Variants in KLHL35 observed in about 807,000 individuals in gnomAD.
KLHL35 encodes the protein kelch-like protein 35.
KLHL35 carries 50 observed loss-of-function variants against 44.0 expected under a neutral mutation model. The ratio of observed to expected loss-of-function variants is 1.14; its 90% CI spans 0.91 to 1.44. The LOEUF (loss-of-function observed/expected upper bound fraction) is 1.44, where lower values mean the gene tolerates loss of function less well. Ranked by LOEUF, KLHL35 falls within the 40% of genes most tolerant of loss-of-function variation. The pLI is 0.00. For missense variants in KLHL35, 1,049 were observed against 887.8 expected (o/e 1.18, Z -2.31); for synonymous variants, 470 against 410.4 (o/e 1.15, Z -1.76).
intron 5 of KLHL35, chr11:75,424,883 C>T (rs751133233): frequency 2.6e-5 from 4 of 153,084 alleles, no homozygotes; most frequent in African/African-American, 9.6e-5. Context: ...AGTTGATAAT[C>T]ACGTGGAAAA....
At chr11:75,429,444 C>T (rs1428060154) in intron 2 of KLHL35, among the ~76,000 whole-genome samples, 1 of 152,178 alleles carries the variant, frequency 6.6e-6, no homozygotes, top group East Asian at 1.9e-4. Flanking sequence ...TCCCAGAGGG[C>T]AAAGAGTGTT....
In KLHL35 at chr11:75,430,496, A is replaced by G; in HGVS notation, c.134T>C (p.Leu45Pro). The change falls in exon 2 of 7, where the codon CTG becomes CCG. Residue 45 changes from leucine to proline, a missense_variant. Transcript: ENST00000539798. ...RRSGTLTDVV[L>P]RAGGRDFPCH... ...CGGAAAGTCGCGCCCGCCGGCGCGC[A>G]GCACCACGTCGGTGAGGGTGCCGCT... 7.0e-7 allele frequency: 1 copy of G among 1,421,524 alleles called. No homozygotes were observed. Among genetic ancestry groups the G allele is most frequent in the Admixed American group, 2.9e-5 (1 of 34,292 alleles). 88.1% of individuals were successfully genotyped at this position (1,421,524 alleles called of 1,614,324 possible).
In KLHL35 at chr11:75,423,858, T is replaced by C; in HGVS notation, c.1397A>G (p.Glu466Gly). The C allele has an allele frequency of 6.2e-7, 1 of 1,613,518 alleles. No homozygotes were observed. Among genetic ancestry groups the C allele is most frequent in the Non-Finnish European group, 8.5e-7 (1 of 1,179,672 alleles). The change falls in exon 6 of 7, where the codon GAG becomes GGG. Residue 466 changes from glutamate (E) to glycine (G), a missense_variant. Physicochemically the swap from Glu to Gly is moderately conservative, Grantham distance 98 (BLOSUM62 -2). Coordinates refer to ENST00000539798, the MANE Select transcript of KLHL35 (RefSeq NM_001039548.3). ...TGGTGACCGCAGGCTCCACCGGTCC[T>C]CCTTGGGGTCAAAGCACTGCACCTG... ...TDKVQCFDPK[E>G]DRWSLRSPAP...
Position 75,430,255 on chromosome 11 carries a change from GGCCGCCGCCTCGTCCTCCGCGCGCA to G in KLHL35, c.350_374del (p.Leu117ProfsTer32), listed in dbSNP as rs760150039. The G allele has an allele frequency of 2.5e-4, 303 of 1,208,762 alleles. No individual in the cohort carries two copies. The African/African-American group carries it at 4.6e-3, about 18-fold the overall frequency. The allele number at this position is 1,208,762 out of a possible 1,614,324, so 74.9% of individuals were successfully genotyped here. A position where few individuals can be genotyped will look rare whatever the true frequency, so the allele number is the denominator to read the frequency against. ...CCAGCCGCTCCGCCAGCGCCAGCAC[GGCCGCCGCCTCGTCCTCCGCGCGCA>G]GCCGCACGCCCGCTCCGTACACGTA... On this transcript the variant is annotated frameshift_variant, in exon 2 of 7. Transcript: ENST00000539798. LOFTEE classifies it high-confidence loss of function.
At chr11:75,425,672 A>G (rs1948485532) in intron 4 of KLHL35, 91 bp from the exon 5 acceptor site, 1 of 1,174,188 alleles carries the variant, frequency 8.5e-7, no homozygotes, top group East Asian at 3.2e-5. Flanking sequence ...TTTGAGCTGG[A>G]AACTATCCCT....
At chr11:75,429,061 C>T (rs1318358232) in intron 2 of KLHL35, among the ~76,000 whole-genome samples, 1 of 152,212 alleles carries the variant, frequency 6.6e-6, no homozygotes, top group African/African-American at 2.4e-5. Context: ...TCATCTTCAA[C>T]ACCCTTTTCT....
Position 75,430,641 on chromosome 11 carries a change from G to A in KLHL35, c.-1-11C>T. ...TGGCCTTGCCGCATCCTGCCGGGGA[G>A]AGAACACAAACAGCGTCGGGGAAGC... On this transcript the variant is annotated splice_polypyrimidine_tract_variant and intron_variant, in intron 1 of 6. Coordinates refer to ENST00000539798, the MANE Select transcript of KLHL35 (RefSeq NM_001039548.3). 1 of 1,358,018 alleles carries A rather than the reference G, an allele frequency of 7.4e-7. No homozygotes were observed. Among genetic ancestry groups the A allele is most frequent in the Non-Finnish European group, 9.5e-7 (1 of 1,057,108 alleles). The allele number at this position is 1,358,018 out of a possible 1,614,324, so 84.1% of individuals were successfully genotyped here. A position where few individuals can be genotyped will look rare whatever the true frequency, so the allele number is the denominator to read the frequency against.
In KLHL35 at chr11:75,429,311, G is replaced by A. The variant is rs2135083551; in HGVS notation, c.881+438C>T. 1.3e-5 allele frequency among the ~76,000 whole-genome samples: 2 copies of A among 152,272 alleles called. 1 individual carries two copies. The highest frequency in any genetic ancestry group is 4.8e-5 in the African/African-American group (2 of 41,562). On this transcript the variant is annotated intron_variant, in intron 2 of 6. Coordinates refer to ENST00000539798, the MANE Select transcript of KLHL35 (RefSeq NM_001039548.3). The stretch of plus-strand genomic sequence containing the variant: ...TAGTGTTAGAGAGAGTGTCGTCTCT[G>A]GGGGCATGATTAAGGGCTACTCTGC...
rs1948523113 is a variant in KLHL35, at chr11:75,430,150, G to A, written c.480C>T (p.Arg160=). The A allele has an allele frequency of 1.6e-6, 2 of 1,246,194 alleles. No individual in the cohort carries two copies. The highest frequency in any genetic ancestry group is 1.6e-5 in the African/African-American group (1 of 62,976). The allele number at this position is 1,246,194 out of a possible 1,614,324, so 77.2% of individuals were successfully genotyped here. A position where few individuals can be genotyped will look rare whatever the true frequency, so the allele number is the denominator to read the frequency against. ...GGGCCAGCGAGAAGGCGGCGGCCAC[G>A]CGGCGCAGCGCTAGGCTGTTGGCGG... ...LRAANSLALR[R]VAAAFSLAPL... The change falls in exon 2 of 7, where the codon CGC becomes CGT. Residue 160 remains arginine, a synonymous_variant. Coordinates refer to ENST00000539798, the MANE Select transcript of KLHL35 (RefSeq NM_001039548.3).
In KLHL35 at chr11:75,423,690, A is replaced by T. The variant is rs750865887; in HGVS notation, c.1563+2T>A. 9 of 1,612,868 alleles carry T rather than the reference A, an allele frequency of 5.6e-6. No homozygotes were observed. Among genetic ancestry groups the T allele is most frequent in the African/African-American group, 2.7e-5 (2 of 74,872 alleles). On this transcript the variant is annotated splice_donor_variant, in intron 6 of 6. Coordinates refer to ENST00000539798, the MANE Select transcript of KLHL35 (RefSeq NM_001039548.3). LOFTEE classifies it high-confidence loss of function. ...CTCTCCTGCCTTGAAGCCTCCACTT[A>T]CCACAGGGCTGGGGAGGACAGCTGC...
At position 75,430,499 on chromosome 11, in the gene KLHL35, A is replaced by C. The variant is rs1265946570; in HGVS notation, c.131T>G (p.Val44Gly). The C allele has an allele frequency of 2.1e-6, 3 of 1,434,088 alleles. No individual in the cohort carries two copies. Among genetic ancestry groups the C allele is most frequent in the African/African-American group, 3.0e-5 (2 of 66,982 alleles). The allele number at this position is 1,434,088 out of a possible 1,614,324, so 88.8% of individuals were successfully genotyped here. A position where few individuals can be genotyped will look rare whatever the true frequency, so the allele number is the denominator to read the frequency against. The change falls in exon 2 of 7, where the codon GTG (valine) becomes GGG (glycine). Residue 44 changes from valine to glycine, a missense_variant. Physicochemically the swap from Val to Gly is moderately radical, Grantham distance 109. Coordinates refer to ENST00000539798, the MANE Select transcript of KLHL35 (RefSeq NM_001039548.3). ...YRRSGTLTDV[V>G]LRAGGRDFPC... ...AAAGTCGCGCCCGCCGGCGCGCAGC[A>C]CCACGTCGGTGAGGGTGCCGCTCCG...
intron 1 of KLHL35, 96 bp from the exon 2 acceptor site, chr11:75,430,726 T>A: frequency 9.3e-7 from 1 of 1,075,926 alleles, no homozygotes; most frequent in Non-Finnish European, 1.2e-6. Context: ...CTCTTGACCA[T>A]TTGTTCAGCG....
intron 2 of KLHL35, 99 bp from the exon 3 acceptor site, chr11:75,428,725 C>G (rs944986145): frequency 2.7e-6 from 3 of 1,095,870 alleles, no homozygotes; most frequent in East Asian, 2.7e-5. Context: ...CCCTTTCATG[C>G]GTTTCTGCCA....
chr11:75,423,129 C>T (rs1355208385), intron 6 of KLHL35: 4 of 226,374 alleles, frequency 1.8e-5, no homozygotes. Context: ...TCTCGACTGC[C>T]GCCATCTTAG....
At chr11:75,432,297 C>T (rs1948543689) in intron 1 of KLHL35, among the ~76,000 whole-genome samples, 2 of 152,188 alleles carry the variant, frequency 1.3e-5, no homozygotes. Context: ...GGCAGCGGAT[C>T]CCCTGGTCAG....
rs1948522438 is a variant in KLHL35 at position 75,430,131 on chromosome 11, G to C, written c.499C>G (p.Leu167Val). ...CCGCAGCGCTCGGCCAGCGGGGCCA[G>C]CGAGAAGGCGGCGGCCACGCGGCGC... is the stretch of plus-strand genomic sequence containing the variant. ...ALRRVAAAFS[L>V]APLAERCGRV... The change falls in exon 2 of 7, where the codon CTG (leucine) becomes GTG (valine). Residue 167 changes from leucine (L) to valine (V), a missense_variant. By Grantham distance (32) the Leu-to-Val change is conservative (BLOSUM62 1). Coordinates refer to ENST00000539798, the MANE Select transcript of KLHL35 (RefSeq NM_001039548.3). The C allele has an allele frequency of 2.4e-6, 3 of 1,262,940 alleles. No individual in the cohort carries two copies. The South Asian group carries it at 7.9e-5, about 33-fold the overall frequency. 78.2% of individuals were successfully genotyped at this position (1,262,940 alleles called of 1,614,324 possible). A position where few individuals can be genotyped will look rare whatever the true frequency, so the allele number is the denominator to read the frequency against.
At chr11:75,425,694 A>T in intron 4 of KLHL35, 113 bp from the exon 5 acceptor site, 1 of 1,027,690 alleles carries the variant, frequency 9.7e-7, no homozygotes. Flanking sequence ...TCCCCAACCC[A>T]GTTTCAGGAC....
Position 75,425,460 on chromosome 11 carries a change from A to ACCG in KLHL35, c.1304_1306dup (p.Ala435dup). 2 of 1,570,920 alleles carry ACCG rather than the reference A, an allele frequency of 1.3e-6. No homozygotes were observed. The highest frequency in any genetic ancestry group is 1.2e-5 in the South Asian group (1 of 86,744). On this transcript the variant is annotated inframe_insertion, in exon 5 of 7. Coordinates refer to ENST00000539798, the MANE Select transcript of KLHL35 (RefSeq NM_001039548.3). ...GAAGAGCTTGCCCGCGCAGGACGCC[A>ACCG]CCGCCGCCGAGCTCACGGCCTCCGG...
Position 75,429,817 on chromosome 11 carries a change from C to T in KLHL35, c.813G>A (p.Leu271=), listed in dbSNP as rs896153587. 16 of 1,511,516 alleles carry T rather than the reference C, an allele frequency of 1.1e-5. 2 individuals are homozygous for T. The African/African-American group carries it at 2.3e-4, about 22-fold the overall frequency. The allele number at this position is 1,511,516 out of a possible 1,614,324, so 93.6% of individuals were successfully genotyped here. Residue 271 remains leucine (L), a synonymous_variant, in exon 2 of 7, where the codon CTG becomes CTA. Coordinates refer to ENST00000539798, the MANE Select transcript of KLHL35 (RefSeq NM_001039548.3). ...LLQACGECRP[L]LLEARACFIL... ...TGAAGCAGGCGCGAGCCTCGAGCAG[C>T]AGCGGGCGGCACTCGCCGCAGGCCT... is the stretch of plus-strand genomic sequence containing the variant.
Sources: gnomAD v4.1 joint callset for allele counts (sites outside exome capture counted in the v4.1 genomes callset) on GRCh38, gnomAD v4.1.1 for gene constraint, MANE v1.5 for transcripts, NCBI Gene and HGNC (gene_info 2026-07-23, HGNC 2026-07-21) for gene names.